DSCAM: variants seen among roughly 807,000 people sequenced by gnomAD.
The protein encoded by DSCAM is DS cell adhesion molecule, also known as cell adhesion molecule DSCAM.
In DSCAM, 47 loss-of-function variants were observed where a neutral mutation model predicts 217.7. That is an observed-to-expected ratio of 0.22 (90% CI 0.17 to 0.28). DSCAM has a LOEUF of 0.28. DSCAM is among the 10% of genes least tolerant of loss of function. The probability of loss-of-function intolerance (pLI) is 1.00; values close to 1 mark genes in which losing one functional copy is unlikely to be tolerated. For synonymous variants in DSCAM, 1,056 were observed against 1,015.3 expected, an observed-to-expected ratio of 1.04 and a Z score of -0.76; for missense variants, 2,080 against 2,618.3, an observed-to-expected ratio of 0.79 and a Z score of 4.49.
intron 3 of DSCAM, among the ~76,000 whole-genome samples, chr21:40,401,935 G>A (rs2075237455): frequency 6.6e-6 from 1 of 151,308 alleles, no homozygotes; most frequent in African/African-American, 2.4e-5. Context: ...ACTGAGCAGA[G>A]CAACACTGGA....
chr21:40,235,476 G>A (rs140925701), intron 11 of DSCAM, among the ~76,000 whole-genome samples: 7 of 152,150 alleles, frequency 4.6e-5, no homozygotes, highest in African/African-American at 1.7e-4. Context: ...GGTCTGTGTA[G>A]GGCTCTTTCT....
intron 3 of DSCAM, among the ~76,000 whole-genome samples, chr21:40,411,417 A>T (rs2075322330): frequency 6.6e-6 from 1 of 152,180 alleles, no homozygotes; most frequent in African/African-American, 2.4e-5. Context: ...GCAAGACTGA[A>T]ACCCAACATT....
At chr21:40,237,621 G>T (rs1369968026) in intron 11 of DSCAM, among the ~76,000 whole-genome samples, 1 of 152,172 alleles carries the variant, frequency 6.6e-6, no homozygotes, top group Non-Finnish European at 1.5e-5. Context: ...TTACTGATGG[G>T]CATTTGGGTT....
At chr21:40,149,934 C>G (rs1284937041) in intron 16 of DSCAM, among the ~76,000 whole-genome samples, 1 of 152,024 alleles carries the variant, frequency 6.6e-6, no homozygotes, top group Non-Finnish European at 1.5e-5. Flanking sequence ...ACCAATATCA[C>G]TATCACCACA....
chr21:40,692,171 C>T (rs553485564), intron 3 of DSCAM, among the ~76,000 whole-genome samples: 8 of 152,350 alleles, frequency 5.3e-5, no homozygotes, highest in South Asian at 4.1e-4. Context: ...ATGCATCACG[C>T]GGACAGTCGC....
intron 3 of DSCAM, among the ~76,000 whole-genome samples, chr21:40,444,890 C>T (rs1053508302): frequency 2.0e-5 from 3 of 152,210 alleles, no homozygotes; most frequent in Admixed American, 6.5e-5. Context: ...GTCCATCCCA[C>T]ATTCTTCCTT....
At chr21:40,503,651 A>G (rs2076187846) in intron 3 of DSCAM, among the ~76,000 whole-genome samples, 1 of 152,178 alleles carries the variant, frequency 6.6e-6, no homozygotes. Flanking sequence ...AAACAAAAAT[A>G]CACTGAAGAT....
intron 3 of DSCAM, among the ~76,000 whole-genome samples, chr21:40,611,879 T>C (rs777069988): frequency 3.9e-5 from 6 of 152,156 alleles, no homozygotes; most frequent in Non-Finnish European, 5.9e-5. Flanking sequence ...TCAGTGGAGG[T>C]TGCCCCTACT....
At chr21:40,603,930 T>C (rs1442174983) in intron 3 of DSCAM, among the ~76,000 whole-genome samples, 2 of 148,938 alleles carry the variant, frequency 1.3e-5, no homozygotes. Flanking sequence ...CATTTCTTTT[T>C]TTTTTTTTTT....
intron 2 of DSCAM, among the ~76,000 whole-genome samples, chr21:40,699,010 T>G (rs1366761048): frequency 6.6e-6 from 1 of 152,208 alleles, no homozygotes; most frequent in Non-Finnish European, 1.5e-5. Flanking sequence ...ATTATGTTTT[T>G]TACAAGTTGA....
intron 8 of DSCAM, among the ~76,000 whole-genome samples, chr21:40,324,510 T>C (rs1241514033): frequency 6.6e-6 from 1 of 152,236 alleles, no homozygotes; most frequent in African/African-American, 2.4e-5. Flanking sequence ...TTGGGGCCAT[T>C]TGAGTCTTCA....
chr21:40,668,624 A>G (rs1601835650), intron 3 of DSCAM, among the ~76,000 whole-genome samples: 1 of 152,228 alleles, frequency 6.6e-6, no homozygotes, highest in Non-Finnish European at 1.5e-5. Context: ...CTCAATCAGA[A>G]TCTGCTTTAT....
intron 1 of DSCAM, among the ~76,000 whole-genome samples, chr21:40,713,845 A>C (rs1020770738): frequency 4.6e-5 from 7 of 152,194 alleles, no homozygotes; most frequent in Admixed American, 3.9e-4. Flanking sequence ...AAGAGACATT[A>C]ATCTAATAAC....
intron 28 of DSCAM, among the ~76,000 whole-genome samples, chr21:40,056,129 T>C (rs1044924786): frequency 2.6e-5 from 4 of 152,186 alleles, no homozygotes; most frequent in Non-Finnish European, 4.4e-5. Context: ...CTTGTGTAAA[T>C]GCTAAATGAA....
At chr21:40,738,932 T>C (rs1238735750) in intron 1 of DSCAM, among the ~76,000 whole-genome samples, 1 of 152,184 alleles carries the variant, frequency 6.6e-6, no homozygotes, top group African/African-American at 2.4e-5. Flanking sequence ...AACCACAGCC[T>C]GTGTCTGGGC....
At chr21:40,026,102 T>G (rs148875014) in intron 32 of DSCAM, among the ~76,000 whole-genome samples, 14,463 of 141,062 alleles carry the variant, frequency 0.1, 2,451 homozygotes, top group Non-Finnish European at 0.15. Flanking sequence ...AAAGAACATC[T>G]TTATTTCTGG....
intron 4 of DSCAM, among the ~76,000 whole-genome samples, chr21:40,362,881 A>G (rs184352790): frequency 4.8e-4 from 73 of 152,278 alleles, no homozygotes; most frequent in African/African-American, 1.7e-3. Flanking sequence ...TGTATGTATA[A>G]AATTAAAATG....
intron 21 of DSCAM, among the ~76,000 whole-genome samples, chr21:40,089,707 A>G (rs956011831): frequency 2.0e-5 from 3 of 151,798 alleles, no homozygotes. Flanking sequence ...TGGGCCTTTC[A>G]GCCTTCATGG....
intron 3 of DSCAM, among the ~76,000 whole-genome samples, chr21:40,412,902 T>A (rs2075336441): frequency 6.6e-6 from 1 of 152,202 alleles, no homozygotes; most frequent in African/African-American, 2.4e-5. Flanking sequence ...CCAAGGTCTC[T>A]GTGTGCAGCC....
Sources: allele counts gnomAD v4.1 joint callset (sites outside exome capture counted in the v4.1 genomes callset), GRCh38; gene constraint gnomAD v4.1.1; transcripts MANE v1.5; gene names NCBI Gene and HGNC (gene_info 2026-07-23, HGNC 2026-07-21).